The following ST6GALNAC1 variants were observed in gnomAD, a reference collection of about 807,000 sequenced individuals.
ST6GALNAC1 encodes the protein ST6 N-acetylgalactosaminide alpha-2,6-sialyltransferase 1.
ST6GALNAC1 carries 45 observed loss-of-function variants against 56.8 expected under a neutral mutation model. That is an observed-to-expected ratio of 0.79 (90% CI 0.62 to 1.02). The LOEUF (loss-of-function observed/expected upper bound fraction) is 1.02, where lower values mean the gene tolerates loss of function less well. Ranked by LOEUF, ST6GALNAC1 falls within the 50% of genes least tolerant of loss-of-function variation. The pLI is 0.00. For missense variants in ST6GALNAC1, 743 were observed against 754.8 expected, an observed-to-expected ratio of 0.98 and a Z score of 0.18; for synonymous variants, 295 against 297.8, an observed-to-expected ratio of 0.99 and a Z score of 0.10.
Position 76,627,588 on chromosome 17 carries a change from A to G in ST6GALNAC1, c.832-5T>C. The G allele has an allele frequency of 6.2e-7, 1 of 1,613,608 alleles. No homozygotes were observed. The highest frequency in any genetic ancestry group is 8.5e-7 in the Non-Finnish European group (1 of 1,179,762). ...CTTCACAGAGTCAGGGCAAGTCTATATACAGGAGGACGAAGTCAGGAAGGG... is the reference window on the plus strand; with the variant it reads ...CTTCACAGAGTCAGGGCAAGTCTATGTACAGGAGGACGAAGTCAGGAAGGG... On this transcript the variant is annotated splice_region_variant and splice_polypyrimidine_tract_variant and intron_variant, in intron 2 of 8. Coordinates refer to ENST00000156626, the MANE Select transcript of ST6GALNAC1 (RefSeq NM_018414.5). The surrounding 1 kb of genome is among the most constrained non-coding windows in gnomAD (Gnocchi z 4.4).
intron 1 of ST6GALNAC1, among the ~76,000 whole-genome samples, chr17:76,636,073 G>T (rs1317328520): frequency 3.9e-5 from 6 of 152,152 alleles, no homozygotes; most frequent in Non-Finnish European, 1.5e-5. Flanking sequence ...GGAAAAAGCA[G>T]AAACTGCCTT....
At chr17:76,617,439 C>A in the ST6GALNAC1 span, among the ~76,000 whole-genome samples, 1 of 152,286 alleles carries the variant, frequency 6.6e-6, no homozygotes, top group Middle Eastern at 3.4e-3. Flanking sequence ...TTAGCTTATT[C>A]TAGCAGGGGA....
chr17:76,623,088 T>A (rs2075757864), downstream of ST6GALNAC1, among the ~76,000 whole-genome samples: 1 of 152,240 alleles, frequency 6.6e-6, no homozygotes, highest in Admixed American at 6.5e-5. Flanking sequence ...CTCTGAACCA[T>A]CTGGAATTTA....
At chr17:76,636,666 AC>A (rs1387547738) in intron 1 of ST6GALNAC1, among the ~76,000 whole-genome samples, 1 of 145,208 alleles carries the variant, frequency 6.9e-6, no homozygotes, top group Non-Finnish European at 1.5e-5. Flanking sequence ...GGTAGCCCCC[AC>A]CCAGCCGCCG....
At position 76,626,284 on chromosome 17, in the gene ST6GALNAC1, G is replaced by T. The variant is rs1212788973; in HGVS notation, c.1415+5C>A. 1.2e-6 allele frequency: 2 copies of T among 1,613,696 alleles called. No individual in the cohort carries two copies. The highest frequency in any genetic ancestry group is 1.7e-6 in the Non-Finnish European group (2 of 1,179,776). ...ATAAGGGGATGGCAGGAGGACAGTG[G>T]GTACCTGAACCAGAAAAGGTTTTTT... On this transcript the variant is annotated splice_donor_5th_base_variant and intron_variant, in intron 6 of 8. Transcript: ENST00000156626.
At chr17:76,631,821 A>G (rs1174314169) in intron 1 of ST6GALNAC1, among the ~76,000 whole-genome samples, 2 of 152,168 alleles carry the variant, frequency 1.3e-5, no homozygotes, top group South Asian at 2.1e-4. Context: ...CACTCTGTGC[A>G]TGGGAGGAGG....
rs1190619683 is a variant in ST6GALNAC1 at position 76,625,122 on chromosome 17, C to T, written c.*208G>A. ...AATTAAAAATCCCTGGCCTCAGGAC[C>T]TACAGCAATGTACTGAAGAACTTCA... On this transcript the variant is annotated 3_prime_UTR_variant, in exon 9 of 9. Coordinates refer to ENST00000156626, the MANE Select transcript of ST6GALNAC1 (RefSeq NM_018414.5). 3.3e-6 allele frequency: 2 copies of T among 598,836 alleles called. No individual in the cohort carries two copies. Among genetic ancestry groups the T allele is most frequent in the Non-Finnish European group, 5.9e-6 (2 of 340,642 alleles). The allele number at this position is 598,836 out of a possible 1,614,324, so 37.1% of individuals were successfully genotyped here.
chr17:76,626,977 T>G (rs1375015324), intron 4 of ST6GALNAC1, 90 bp downstream of exon 4: 2 of 1,456,730 alleles, frequency 1.4e-6, no homozygotes, highest in Admixed American at 4.8e-5. Context: ...AGAGTCCATG[T>G]CTGCAGAAGA....
chr17:76,627,182 C>T lies in ST6GALNAC1; in HGVS notation c.1057G>A (p.Ala353Thr). The T allele has an allele frequency of 1.2e-6, 2 of 1,601,508 alleles. No homozygotes were observed. Among genetic ancestry groups the T allele is most frequent in the Non-Finnish European group, 8.5e-7 (1 of 1,173,498 alleles). ...CGGAGGCTCCCAGCGGGGAGGCTGG[C>T]CAGGAGCAGCTGCTGCTGGGGCACT... The part of the protein sequence containing the change: ...PPVPQQQLLL[A>T]SLPAGSLRCI... The change falls in exon 4 of 9, where the codon GCC (alanine) becomes ACC (threonine). Residue 353 changes from alanine (A) to threonine (T), a missense_variant. Ala to Thr is a moderately conservative substitution (Grantham distance 58, BLOSUM62 0). Transcript: ENST00000156626. This position sits in a 1 kb window ranked among gnomAD's most constrained non-coding sequence, Gnocchi z 4.4.
chr17:76,622,468 A>C (rs1395811000), downstream of ST6GALNAC1, among the ~76,000 whole-genome samples: 1 of 151,166 alleles, frequency 6.6e-6, no homozygotes, highest in South Asian at 2.1e-4. Context: ...GGGTTCAAGT[A>C]ATTCTTCTGC....
At chr17:76,633,432 C>T (rs1754199741) in intron 1 of ST6GALNAC1, among the ~76,000 whole-genome samples, 1 of 152,132 alleles carries the variant, frequency 6.6e-6, no homozygotes, top group African/African-American at 2.4e-5. Flanking sequence ...ATCGCTTGAA[C>T]CTGGAAGGCG....
chr17:76,642,256 G>A lies in ST6GALNAC1; in HGVS notation c.131+1252C>T, dbSNP rs146578843. ...TCTATCTATCTATCATCTATCTATCGGGCTTGTATAGCATAAAGGTAATGA... is the reference window on the plus strand; with the variant it reads ...TCTATCTATCTATCATCTATCTATCAGGCTTGTATAGCATAAAGGTAATGA... On this transcript the variant is annotated intron_variant, in intron 1 of 8. Coordinates refer to ENST00000156626, the MANE Select transcript of ST6GALNAC1 (RefSeq NM_018414.5). Among the ~76,000 whole-genome samples the A allele has an allele frequency of 1.8e-3, 198 of 109,122 alleles. 1 individual carries two copies. The highest frequency in any genetic ancestry group is 9.7e-3 in the African/African-American group (178 of 18,380). The allele number at this position is 109,122 out of a possible 152,430, so 71.6% of individuals were successfully genotyped here.
At chr17:76,639,613 C>G (rs1212407937) in intron 1 of ST6GALNAC1, among the ~76,000 whole-genome samples, 1 of 149,342 alleles carries the variant, frequency 6.7e-6, no homozygotes, top group African/African-American at 2.5e-5. Context: ...CATGTAATCT[C>G]ACAAATTCAT....
At chr17:76,623,734 G>A (rs1288873533), downstream of ST6GALNAC1, among the ~76,000 whole-genome samples, 1 of 152,014 alleles carries the variant, frequency 6.6e-6, no homozygotes, top group Non-Finnish European at 1.5e-5. Context: ...GCCTCTAATT[G>A]ACCTATCTTT....
rs757590702 is a variant in ST6GALNAC1 at position 76,627,605 on chromosome 17, C to T, written c.832-22G>A. ...AAGTCTATATACAGGAGGACGAAGTCAGGAAGGGAGAGACCCAGAAAGGCC... is the reference window on the plus strand; with the variant it reads ...AAGTCTATATACAGGAGGACGAAGTTAGGAAGGGAGAGACCCAGAAAGGCC... On this transcript the variant is annotated intron_variant, in intron 2 of 8. Transcript: ENST00000156626. The surrounding 1 kb of genome is among the most constrained non-coding windows in gnomAD (Gnocchi z 4.4). 6.2e-7 allele frequency: 1 copy of T among 1,610,930 alleles called. No individual in the cohort carries two copies. The highest frequency in any genetic ancestry group is 8.5e-7 in the Non-Finnish European group (1 of 1,178,444).
downstream of ST6GALNAC1, among the ~76,000 whole-genome samples, chr17:76,622,375 TA>T (rs202071979): frequency 8.3e-3 from 1,261 of 152,070 alleles, 25 homozygotes; most frequent in African/African-American, 0.029. Flanking sequence ...TTATTATTAT[TA>T]TTATTTTGAG....
chr17:76,635,377 C>T (rs894653841), intron 1 of ST6GALNAC1, among the ~76,000 whole-genome samples: 2 of 152,132 alleles, frequency 1.3e-5, no homozygotes, highest in African/African-American at 2.4e-5. Context: ...AGATGTCCTA[C>T]GCCTGTAATC....
downstream of ST6GALNAC1, among the ~76,000 whole-genome samples, chr17:76,621,945 T>TTC (rs1315909826): frequency 2.9e-5 from 3 of 102,468 alleles, no homozygotes; most frequent in Admixed American, 3.0e-4. Flanking sequence ...TTTCTTTTCT[T>TTC]TTTTTTTTTT....
At position 76,625,234 on chromosome 17, in the gene ST6GALNAC1, A is replaced by C; in HGVS notation, c.*96T>G. The C allele has an allele frequency of 7.6e-7, 1 of 1,320,202 alleles. No individual in the cohort carries two copies. Among genetic ancestry groups the C allele is most frequent in the Admixed American group, 2.1e-5 (1 of 47,982 alleles). 81.8% of individuals were successfully genotyped at this position (1,320,202 alleles called of 1,614,324 possible). A position where few individuals can be genotyped will look rare whatever the true frequency, so the allele number is the denominator to read the frequency against. On this transcript the variant is annotated 3_prime_UTR_variant, in exon 9 of 9. Coordinates refer to ENST00000156626, the MANE Select transcript of ST6GALNAC1 (RefSeq NM_018414.5). ...GGAACTCCTGAAGGGCTTGGAGCTT[A>C]GTCTGAGCCATGGGAAATGGCCAAA...
Sources: gnomAD v4.1 joint callset for allele counts (sites outside exome capture counted in the v4.1 genomes callset) on GRCh38, gnomAD v4.1.1 for gene constraint, Gnocchi (gnomAD v3.1) non-coding constraint, MANE v1.5 for transcripts, NCBI Gene and HGNC (gene_info 2026-07-23, HGNC 2026-07-21) for gene names.